The following NSUN6 variants were observed in gnomAD, a reference collection of about 807,000 sequenced individuals.
NSUN6 encodes NOP2/Sun RNA methyltransferase 6, also known as tRNA (cytosine(72)-C(5))-methyltransferase NSUN6.
Under a neutral mutation model 58.0 loss-of-function variants are expected in NSUN6, and 64 were observed. That is an observed-to-expected ratio of 1.10 (90% CI 0.90 to 1.36). The LOEUF (loss-of-function observed/expected upper bound fraction) is 1.36. Among genes scored for constraint, NSUN6 ranks in the 40% most tolerant of loss-of-function variants. The pLI, the probability that NSUN6 is intolerant of heterozygous loss-of-function variation, is 0.00. For missense variants in NSUN6, 701 were observed against 550.1 expected, an observed-to-expected ratio of 1.27 and a Z score of -2.74; for synonymous variants, 231 against 193.9, an observed-to-expected ratio of 1.19 and a Z score of -1.59.
chr10:18,589,305 G>C (rs1400833110), intron 7 of NSUN6, among the ~76,000 whole-genome samples: 1 of 152,226 alleles, frequency 6.6e-6, no homozygotes, highest in African/African-American at 2.4e-5. Context: ...TGGCATACCT[G>C]AAAGTGACAG....
chr10:18,629,375 T>A (rs926310702), intron 3 of NSUN6, among the ~76,000 whole-genome samples: 35 of 152,006 alleles, frequency 2.3e-4, no homozygotes, highest in African/African-American at 8.0e-4. Flanking sequence ...GCTAACATCA[T>A]AATGACAGGA....
At chr10:18,656,081 C>A (rs1241946601), upstream of NSUN6, among the ~76,000 whole-genome samples, 1 of 152,164 alleles carries the variant, frequency 6.6e-6, no homozygotes, top group African/African-American at 2.4e-5. Context: ...ACGTGAGTTT[C>A]TTTTATATTA....
At chr10:18,584,997 TAAA>T (rs35061759) in intron 8 of NSUN6, among the ~76,000 whole-genome samples, 1 of 143,482 alleles carries the variant, frequency 7.0e-6, no homozygotes, top group Admixed American at 7.0e-5. Flanking sequence ...AGAGACCTAT[TAAA>T]AAAAAAAAAA....
intron 9 of NSUN6, among the ~76,000 whole-genome samples, chr10:18,548,873 C>T (rs2054442020): frequency 6.6e-6 from 1 of 152,174 alleles, no homozygotes; most frequent in African/African-American, 2.4e-5. Context: ...TTCCTTTATG[C>T]CTCTTTTTCT....
At chr10:18,588,216 T>C (rs879433735) in intron 7 of NSUN6, among the ~76,000 whole-genome samples, 1 of 152,186 alleles carries the variant, frequency 6.6e-6, no homozygotes, top group Admixed American at 6.5e-5. Context: ...CTTCTCTAGA[T>C]TCCTCCTCAC....
At chr10:18,584,704 T>G (rs1026569552) in intron 8 of NSUN6, among the ~76,000 whole-genome samples, 1 of 151,896 alleles carries the variant, frequency 6.6e-6, no homozygotes, top group African/African-American at 2.4e-5. Context: ...GGTGGACAAA[T>G]GCAAAAAGAT....
At chr10:18,648,462 G>A (rs774192670) in intron 2 of NSUN6, 28 bp downstream of exon 2, 179 of 1,510,668 alleles carry the variant, frequency 1.2e-4, no homozygotes, top group Non-Finnish European at 1.6e-4. Flanking sequence ...ATGTAATTAT[G>A]TACAAATGAC....
intron 8 of NSUN6, among the ~76,000 whole-genome samples, chr10:18,573,542 C>T (rs1193446658): frequency 6.6e-6 from 1 of 151,966 alleles, no homozygotes; most frequent in African/African-American, 2.4e-5. Context: ...TTCCCTTCTC[C>T]CACAGTCTTT....
chr10:18,560,159 GGGAAT>G (rs911150117), intron 8 of NSUN6, among the ~76,000 whole-genome samples: 3 of 150,336 alleles, frequency 2.0e-5, no homozygotes, highest in Non-Finnish European at 4.4e-5. Context: ...GAATGGAATG[GGGAAT>G]GGAATGGAAT....
At chr10:18,653,130 T>C (rs953683130), upstream of NSUN6, 2 of 984,476 alleles carry the variant, frequency 2.0e-6, no homozygotes, top group Middle Eastern at 5.2e-4. Context: ...GGCTAGAATC[T>C]GTATTTTAGC....
At chr10:18,580,664 AC>A (rs1232848418) in intron 8 of NSUN6, among the ~76,000 whole-genome samples, 23 of 152,254 alleles carry the variant, frequency 1.5e-4, no homozygotes, top group Non-Finnish European at 2.9e-4. Context: ...AGAGGCTGCC[AC>A]CCCAGCCCAG....
intron 6 of NSUN6, among the ~76,000 whole-genome samples, chr10:18,607,729 T>TGGCATGG (rs1305252538): frequency 6.6e-6 from 1 of 152,250 alleles, no homozygotes; most frequent in Non-Finnish European, 1.5e-5. Context: ...TCTGGAGCAT[T>TGGCATGG]GGCATGGGGC....
intron 3 of NSUN6, among the ~76,000 whole-genome samples, chr10:18,632,922 C>A (rs932891344): frequency 2.0e-4 from 30 of 152,092 alleles, no homozygotes; most frequent in Non-Finnish European, 3.5e-4. Flanking sequence ...ACCCAAAGGA[C>A]TATAAATCAT....
chr10:18,551,244 T>TTGTGTGTGTGTGTG (rs35396134), intron 9 of NSUN6, among the ~76,000 whole-genome samples: 2,669 of 127,078 alleles, frequency 0.021, 59 homozygotes, highest in East Asian at 0.052. Flanking sequence ...GTCCTCTCAG[T>TTGTGTGTGTGTGTG]TGTGTGTGTG....
At chr10:18,560,261 G>T (rs28970626) in intron 8 of NSUN6, among the ~76,000 whole-genome samples, 92,280 of 151,080 alleles carry the variant, frequency 0.61, 28,547 homozygotes, top group East Asian at 0.97. Context: ...ATGGATAATG[G>T]ACGGCAATGG....
chr10:18,609,524 C>T (rs943777417), intron 6 of NSUN6, among the ~76,000 whole-genome samples: 1 of 152,018 alleles, frequency 6.6e-6, no homozygotes, highest in East Asian at 1.9e-4. Flanking sequence ...AAATGATTTA[C>T]TAATGGAACA....
upstream of NSUN6, chr10:18,654,475 A>T (rs1402482948): frequency 6.6e-6 from 1 of 152,242 alleles, no homozygotes; most frequent in Non-Finnish European, 1.5e-5. Context: ...TGAAAATAAC[A>T]TGACACCTAT....
upstream of NSUN6, among the ~76,000 whole-genome samples, chr10:18,655,626 G>C (rs1477748616): frequency 6.6e-6 from 1 of 152,108 alleles, no homozygotes; most frequent in Non-Finnish European, 1.5e-5. Flanking sequence ...AAATGTAAGA[G>C]GCTCCACCCG....
At chr10:18,636,485 AC>A (rs1176100847) in intron 3 of NSUN6, among the ~76,000 whole-genome samples, 1 of 152,038 alleles carries the variant, frequency 6.6e-6, no homozygotes, top group Non-Finnish European at 1.5e-5. Context: ...GCACAGCAAG[AC>A]CCCATCTCAA....
Sources: allele counts gnomAD v4.1 joint callset (sites outside exome capture counted in the v4.1 genomes callset), GRCh38; gene constraint gnomAD v4.1.1; transcripts MANE v1.5; gene names NCBI Gene and HGNC (gene_info 2026-07-23, HGNC 2026-07-21).